Variants in RADIL observed in about 807,000 individuals in gnomAD.
RADIL encodes ras-associating and dilute domain-containing protein.
A neutral mutation model predicts 97.6 loss-of-function variants in RADIL; 99 were observed. The ratio of observed to expected loss-of-function variants is 1.01; its 90% CI spans 0.86 to 1.20. RADIL has a LOEUF of 1.20. Ranked by LOEUF, RADIL falls within the 50% of genes most tolerant of loss-of-function variation. RADIL has a pLI of 0.00. For missense variants in RADIL, 1,765 were observed against 1,498.9 expected (o/e 1.18, Z -2.93); for synonymous variants, 803 against 691.8 (o/e 1.16, Z -2.52).
Position 4,835,207 on chromosome 7 carries a change from C to T in RADIL, c.816G>A (p.Arg272=). 1 of 1,611,308 alleles carries T rather than the reference C, an allele frequency of 6.2e-7. No individual in the cohort carries two copies. ...DSLVYVLNRD[R]HTVGQRTPSS... is the part of the protein sequence containing the mutation. ...AGGGGGTCCGCTGGCCCACCGTGTG[C>T]CGGTCCCGGTTGAGCACATACACCA... Residue 272 remains arginine (R), a synonymous_variant, in exon 4 of 15, where the codon CGG becomes CGA. Transcript: ENST00000399583. The surrounding 1 kb of genome is among the most constrained non-coding windows in gnomAD (Gnocchi z 5.8).
Position 4,816,345 on chromosome 7 carries a change from G to A in RADIL, c.1849C>T (p.Gln617Ter), listed in dbSNP as rs373449759. The A allele has an allele frequency of 3.1e-6, 5 of 1,612,294 alleles. No individual in the cohort carries two copies. Among genetic ancestry groups the A allele is most frequent in the Non-Finnish European group, 4.2e-6 (5 of 1,179,686 alleles). The stretch of plus-strand genomic sequence containing the variant: ...TGCCGCAGGAGGTCCAGGGCTGCCT[G>A]GTACACAGACACCACGCGGCGCAGC... The part of the protein sequence containing the change: ...EELRRVVSVY[Q>*]AALDLLRQLQ... Residue 617 changes from glutamine (Q) to a stop codon, truncating the protein, a stop_gained, in exon 8 of 15, where the codon CAG becomes TAG. Transcript: ENST00000399583. LOFTEE classifies it high-confidence loss of function.
intron 2 of RADIL, among the ~76,000 whole-genome samples, chr7:4,846,674 T>C (rs951015265): frequency 2.0e-5 from 3 of 151,716 alleles, no homozygotes; most frequent in African/African-American, 7.3e-5. Context: ...GCCTCCCAAG[T>C]AGCTGGGATT....
chr7:4,877,930 G>A lies in RADIL; in HGVS notation c.210C>T (p.Asp70=). 3 of 1,608,414 alleles carry A rather than the reference G, an allele frequency of 1.9e-6. No homozygotes were observed. Among genetic ancestry groups the A allele is most frequent in the South Asian group, 2.2e-5 (2 of 91,090 alleles). The change falls in exon 2 of 15, where the codon GAC becomes GAT. Residue 70 remains aspartate (D), a synonymous_variant. Coordinates refer to ENST00000399583, the MANE Select transcript of RADIL (RefSeq NM_018059.5). ...TGTAGTGGGTTCCTGTGCAGACACT[G>A]TCCCCAAACACCTTCAGGACACCAG... is the stretch of plus-strand genomic sequence containing the variant. The part of the protein sequence containing the change: ...SAPGVLKVFG[D]SVCTGTHYKS...
intron 2 of RADIL, chr7:4,859,585 AC>A: frequency 3.2e-6 from 1 of 316,414 alleles, no homozygotes; most frequent in Non-Finnish European, 5.9e-6. Context: ...CTAGTCCCGT[AC>A]CCCTCATTCT....
chr7:4,832,741 C>CAA lies in RADIL; in HGVS notation c.1417-565_1417-564dup, dbSNP rs71032992. ...GTGACAGAGCGAGACTCCGTCTCAG[C>CAA]AAAAAAAAAAAAAAAAAAAAAAGAA... On this transcript the variant is annotated intron_variant, in intron 4 of 14. Coordinates refer to ENST00000399583, the MANE Select transcript of RADIL (RefSeq NM_018059.5). 4.9e-3 allele frequency among the ~76,000 whole-genome samples: 326 copies of CAA among 66,362 alleles called. 4 individuals are homozygous for CAA. Among genetic ancestry groups the CAA allele is most frequent in the Middle Eastern group, 0.01 (1 of 100 alleles). The allele number at this position is 66,362 out of a possible 152,430, so 43.5% of individuals were successfully genotyped here.
chr7:4,830,450 G>A (rs998948475), intron 5 of RADIL, among the ~76,000 whole-genome samples: 1 of 152,364 alleles, frequency 6.6e-6, no homozygotes, highest in African/African-American at 2.4e-5. Context: ...ACAGCCGTTG[G>A]AGAGTGGCGG....
intron 2 of RADIL, among the ~76,000 whole-genome samples, chr7:4,853,096 G>C (rs1244001773): frequency 6.6e-6 from 1 of 152,132 alleles, no homozygotes; most frequent in Non-Finnish European, 1.5e-5. Context: ...TTGAGATGGG[G>C]TGAGTGTATT....
At chr7:4,833,294 G>A (rs1382878971) in intron 4 of RADIL, among the ~76,000 whole-genome samples, 2 of 152,228 alleles carry the variant, frequency 1.3e-5, no homozygotes, top group African/African-American at 4.8e-5. Flanking sequence ...TAAGTGCCTG[G>A]CGCAGAGGAG....
Position 4,817,561 on chromosome 7 carries a change from C to A in RADIL, c.1616-210G>T, listed in dbSNP as rs1782710820. 6.6e-6 allele frequency among the ~76,000 whole-genome samples: 1 copy of A among 152,106 alleles called. No homozygotes were observed. Among genetic ancestry groups the A allele is most frequent in the African/African-American group, 2.4e-5 (1 of 41,412 alleles). Reference sequence around the variant, plus strand: ...CCACTCTTACCTGGGGAGGGGAATGCCGGGAGGGGCAGGAGGGGTCCAGAC... The same window carrying A: ...CCACTCTTACCTGGGGAGGGGAATGACGGGAGGGGCAGGAGGGGTCCAGAC... On this transcript the variant is annotated intron_variant, in intron 6 of 14. Coordinates refer to ENST00000399583, the MANE Select transcript of RADIL (RefSeq NM_018059.5). This position sits in a 1 kb window ranked among gnomAD's most constrained non-coding sequence, Gnocchi z 8.3.
chr7:4,834,569 C>T lies in RADIL; in HGVS notation c.1416+38G>A, dbSNP rs766331555. The T allele has an allele frequency of 3.1e-6, 4 of 1,306,508 alleles. No homozygotes were observed. The highest frequency in any genetic ancestry group is 5.7e-5 in the East Asian group (2 of 35,132). The allele number at this position is 1,306,508 out of a possible 1,614,324, so 80.9% of individuals were successfully genotyped here. A position where few individuals can be genotyped will look rare whatever the true frequency, so the allele number is the denominator to read the frequency against. On this transcript the variant is annotated intron_variant, in intron 4 of 14. Transcript: ENST00000399583. The surrounding 1 kb of genome is among the most constrained non-coding windows in gnomAD (Gnocchi z 6.0). ...CTCCGGGCCCCCTCTTCCCCCAGAC[C>T]GGCACAGGACCCAGACCGCCCACCC...
chr7:4,870,752 T>A (rs527373193), intron 2 of RADIL, among the ~76,000 whole-genome samples: 1 of 152,302 alleles, frequency 6.6e-6, no homozygotes. Flanking sequence ...CTATTTTATG[T>A]CTTTCAAACA....
At chr7:4,805,437 C>T in intron 10 of RADIL, 129 bp downstream of exon 10, 1 of 1,227,278 alleles carries the variant, frequency 8.1e-7, no homozygotes, top group Non-Finnish European at 1.1e-6. Context: ...GGAGGCTCCT[C>T]CAGGGAGGTC....
intron 6 of RADIL, among the ~76,000 whole-genome samples, chr7:4,820,697 C>T (rs1318227602): frequency 6.6e-6 from 1 of 152,180 alleles, no homozygotes; most frequent in South Asian, 2.1e-4. Flanking sequence ...CTGCCTCCCC[C>T]AGGAGCGGGG....
Position 4,872,246 on chromosome 7 carries a change from A to G in RADIL, c.535+5359T>C, listed in dbSNP as rs1475743543. Among the ~76,000 whole-genome samples the G allele has an allele frequency of 1.3e-5, 2 of 152,202 alleles. No individual in the cohort carries two copies. The highest frequency in any genetic ancestry group is 2.9e-5 in the Non-Finnish European group (2 of 68,030). On this transcript the variant is annotated intron_variant, in intron 2 of 14. Transcript: ENST00000399583. The surrounding 1 kb of genome is among the most constrained non-coding windows in gnomAD (Gnocchi z 5.8). ...GGAACATCTGGCCATGTCTGCAGAC[A>G]TCTTTGGTTGTTACAACTTGGGGGT... is the stretch of plus-strand genomic sequence containing the variant.
chr7:4,862,182 C>G (rs930837515), intron 2 of RADIL, among the ~76,000 whole-genome samples: 1 of 152,246 alleles, frequency 6.6e-6, no homozygotes, highest in Non-Finnish European at 1.5e-5. Flanking sequence ...AAACTCAACC[C>G]TTTATTGCCA....
At position 4,817,466 on chromosome 7, in the gene RADIL, G is replaced by A. The variant is rs892610016; in HGVS notation, c.1616-115C>T. 26 of 842,430 alleles carry A rather than the reference G, an allele frequency of 3.1e-5. No homozygotes were observed. The highest frequency in any genetic ancestry group is 5.8e-5 in the African/African-American group (3 of 51,888). 52.2% of individuals were successfully genotyped at this position (842,430 alleles called of 1,614,324 possible). Reference sequence around the variant, plus strand: ...CGGGCACCACCCAACGCGCCCATCTGGGGTCCAGATGCGATAAACTGGCCG... The same window carrying A: ...CGGGCACCACCCAACGCGCCCATCTAGGGTCCAGATGCGATAAACTGGCCG... On this transcript the variant is annotated intron_variant, in intron 6 of 14. Coordinates refer to ENST00000399583, the MANE Select transcript of RADIL (RefSeq NM_018059.5). The surrounding 1 kb of genome is among the most constrained non-coding windows in gnomAD (Gnocchi z 8.3).
chr7:4,870,618 A>G (rs10253423), intron 2 of RADIL, among the ~76,000 whole-genome samples: 186 of 151,974 alleles, frequency 1.2e-3, no homozygotes, highest in African/African-American at 4.4e-3. Flanking sequence ...ATTTTTTTAT[A>G]TTTTTAGTAG....
At chr7:4,831,873 CAAACA>C (rs3031281) in intron 5 of RADIL, among the ~76,000 whole-genome samples, 4 of 151,600 alleles carry the variant, frequency 2.6e-5, no homozygotes, top group African/African-American at 4.8e-5. Flanking sequence ...GGCGATAGAG[CAAACA>C]AAACAAAACA....
Position 4,799,193 on chromosome 7 carries a change from G to A in RADIL, c.*185C>T, listed in dbSNP as rs770244154. 5.7e-5 allele frequency: 34 copies of A among 592,442 alleles called. No individual in the cohort carries two copies. The highest frequency in any genetic ancestry group is 3.3e-4 in the Admixed American group (11 of 33,660). 36.7% of individuals were successfully genotyped at this position (592,442 alleles called of 1,614,324 possible). On this transcript the variant is annotated 3_prime_UTR_variant, in exon 15 of 15. Transcript: ENST00000399583. ...TCTGTAACAAACATCACAATTTCAC[G>A]TCATCTGCCATATAAATAGAACCTA...
Sources: gnomAD v4.1 joint callset for allele counts (sites outside exome capture counted in the v4.1 genomes callset) on GRCh38, gnomAD v4.1.1 for gene constraint, Gnocchi (gnomAD v3.1) non-coding constraint, MANE v1.5 for transcripts, NCBI Gene and HGNC (gene_info 2026-07-23, HGNC 2026-07-21) for gene names.